The following CACHD1 variants were observed in gnomAD, a reference collection of about 807,000 sequenced individuals.
CACHD1 encodes the protein cache domain containing 1.
In CACHD1, 71 loss-of-function variants were observed where a neutral mutation model predicts 138.7. That is an observed-to-expected ratio of 0.51 (90% CI 0.42 to 0.62). The LOEUF (loss-of-function observed/expected upper bound fraction) is 0.62, where lower values mean the gene tolerates loss of function less well. CACHD1 is among the 20% of genes least tolerant of loss of function. CACHD1 has a pLI of 0.00. For synonymous variants in CACHD1, 578 were observed against 591.5 expected, an observed-to-expected ratio of 0.98 and a Z score of 0.33; for missense variants, 1,389 against 1,625.3, an observed-to-expected ratio of 0.85 and a Z score of 2.50.
At chr1:64,635,353 T>G (rs1648482341) in intron 7 of CACHD1, among the ~76,000 whole-genome samples, 1 of 151,472 alleles carries the variant, frequency 6.6e-6, no homozygotes, top group Non-Finnish European at 1.5e-5. Context: ...GCATGGCCCT[T>G]CAGATGTACA....
intron 1 of CACHD1, among the ~76,000 whole-genome samples, chr1:64,475,360 C>A (rs1023741862): frequency 2.0e-5 from 3 of 151,586 alleles, no homozygotes; most frequent in African/African-American, 7.3e-5. Context: ...GGGATGGAGT[C>A]TCACTCTGTT....
At chr1:64,560,487 A>G (rs114695894) in intron 2 of CACHD1, among the ~76,000 whole-genome samples, 2,132 of 151,930 alleles carry the variant, frequency 0.014, 27 homozygotes, top group Non-Finnish European at 0.019. Context: ...ATTTTGTTCA[A>G]TTTTCAAAAC....
At chr1:64,505,595 C>T (rs1457436302) in intron 1 of CACHD1, among the ~76,000 whole-genome samples, 6 of 119,688 alleles carry the variant, frequency 5.0e-5, no homozygotes, top group South Asian at 6.0e-4. Context: ...GCCCCTCCCC[C>T]TCCCTGGGCA....
chr1:64,512,386 T>A (rs1166608098), intron 1 of CACHD1, among the ~76,000 whole-genome samples: 2 of 86,894 alleles, frequency 2.3e-5, no homozygotes, highest in African/African-American at 1.1e-4. Context: ...ACAGTGAGAC[T>A]GTGTCTCAAA....
At chr1:64,511,095 A>G (rs1646417289) in intron 1 of CACHD1, among the ~76,000 whole-genome samples, 2 of 152,306 alleles carry the variant, frequency 1.3e-5, no homozygotes, top group South Asian at 4.1e-4. Flanking sequence ...TTTTTAGTGT[A>G]CCTAAGATCT....
At position 64,663,979 on chromosome 1, in the gene CACHD1, G is replaced by A. The variant is rs1276823595; in HGVS notation, c.2094+142G>A. On this transcript the variant is annotated intron_variant, in intron 14 of 26. Coordinates refer to ENST00000651257, the MANE Select transcript of CACHD1 (RefSeq NM_020925.4). ...GAGAGCTGCAGAGTGTGTGGCCCAGGGGAGGCTGGTCAGCAGTGACTCTTC... is the reference window on the plus strand; with the variant it reads ...GAGAGCTGCAGAGTGTGTGGCCCAGAGGAGGCTGGTCAGCAGTGACTCTTC... The A allele has an allele frequency of 6.3e-6, 7 of 1,105,062 alleles. No individual in the cohort carries two copies. The Admixed American group carries it at 1.3e-4, about 20-fold the overall frequency. The allele number at this position is 1,105,062 out of a possible 1,614,324, so 68.5% of individuals were successfully genotyped here. A position where few individuals can be genotyped will look rare whatever the true frequency, so the allele number is the denominator to read the frequency against.
At chr1:64,533,121 C>T (rs895128490) in intron 1 of CACHD1, among the ~76,000 whole-genome samples, 29 of 152,086 alleles carry the variant, frequency 1.9e-4, no homozygotes, top group African/African-American at 4.3e-4. Flanking sequence ...TTTGGGAGTC[C>T]GAGGCGGGTG....
In CACHD1 at chr1:64,505,420, C is replaced by T. The variant is rs1182483223; in HGVS notation, c.198+34478C>T. Among the ~76,000 whole-genome samples the T allele has an allele frequency of 7.2e-5, 11 of 152,252 alleles. No homozygotes were observed. In the East Asian group the frequency reaches 1.7e-3, roughly 24 times the overall value. Reference sequence around the variant, plus strand: ...GGAGGGGACATTCCTCCTGCTGCACCCTTGGAGGCTGCGGGCTTTCCTGGG... The same window carrying T: ...GGAGGGGACATTCCTCCTGCTGCACTCTTGGAGGCTGCGGGCTTTCCTGGG... On this transcript the variant is annotated intron_variant, in intron 1 of 26. Coordinates refer to ENST00000651257, the MANE Select transcript of CACHD1 (RefSeq NM_020925.4).
chr1:64,478,820 T>C (rs1291652141), intron 1 of CACHD1, among the ~76,000 whole-genome samples: 2 of 152,144 alleles, frequency 1.3e-5, no homozygotes, highest in Non-Finnish European at 2.9e-5. Flanking sequence ...CTGGAGGACA[T>C]GTGCCAAGGG....
chr1:64,667,668 T>A (rs141456994), intron 16 of CACHD1, among the ~76,000 whole-genome samples: 2,233 of 152,276 alleles, frequency 0.015, 28 homozygotes, highest in Non-Finnish European at 0.023. Flanking sequence ...AAAGACTGTT[T>A]CTTTTGAGGG....
intron 1 of CACHD1, among the ~76,000 whole-genome samples, chr1:64,473,403 TG>T (rs1157970182): frequency 1.3e-5 from 2 of 152,160 alleles, no homozygotes; most frequent in African/African-American, 4.8e-5. Context: ...TGTAAACCTT[TG>T]GGATTTGTTC....
chr1:64,481,794 TCAAAAAA>T (rs1646212971), intron 1 of CACHD1, among the ~76,000 whole-genome samples: 1 of 152,150 alleles, frequency 6.6e-6, no homozygotes. Context: ...AAATCTTAAT[TCAAAAAA>T]CAAATTGCTG....
At chr1:64,520,493 G>T (rs1436464320) in intron 1 of CACHD1, among the ~76,000 whole-genome samples, 1 of 152,130 alleles carries the variant, frequency 6.6e-6, no homozygotes, top group East Asian at 1.9e-4. Context: ...CCCCTAGAGT[G>T]CATTCCTGAA....
chr1:64,606,267 C>A (rs1647336427), intron 4 of CACHD1, among the ~76,000 whole-genome samples: 1 of 151,936 alleles, frequency 6.6e-6, no homozygotes, highest in Admixed American at 6.6e-5. Context: ...GGTTGGCTGT[C>A]GGGGGGAGGA....
chr1:64,548,781 C>T (rs1646737036), intron 1 of CACHD1, among the ~76,000 whole-genome samples: 2 of 152,204 alleles, frequency 1.3e-5, no homozygotes, highest in African/African-American at 4.8e-5. Context: ...TCAGGCTATT[C>T]CGTATTTTGC....
chr1:64,543,937 G>T (rs1054964463), intron 1 of CACHD1, among the ~76,000 whole-genome samples: 2 of 129,798 alleles, frequency 1.5e-5, no homozygotes, highest in African/African-American at 2.8e-5. Flanking sequence ...CACCGGCCTC[G>T]GCCTCCCAAA....
chr1:64,566,614 CTT>C (rs78161314), intron 2 of CACHD1, among the ~76,000 whole-genome samples: 19 of 145,652 alleles, frequency 1.3e-4, no homozygotes, highest in East Asian at 2.0e-4. Flanking sequence ...TAGTATGAGG[CTT>C]TTTTTTTTTA....
At chr1:64,560,236 T>G (rs553317937) in intron 2 of CACHD1, among the ~76,000 whole-genome samples, 2 of 152,290 alleles carry the variant, frequency 1.3e-5, no homozygotes, top group East Asian at 3.9e-4. Flanking sequence ...ATTTATGTTC[T>G]TTATTATTTC....
intron 1 of CACHD1, among the ~76,000 whole-genome samples, chr1:64,498,859 C>G (rs305564): frequency 0.1 from 15,252 of 152,260 alleles, 954 homozygotes; most frequent in African/African-American, 0.16. Flanking sequence ...AAAGAAAGTG[C>G]AATAATCGTG....
Sources: gnomAD v4.1 joint callset for allele counts (sites outside exome capture counted in the v4.1 genomes callset) on GRCh38, gnomAD v4.1.1 for gene constraint, MANE v1.5 for transcripts, NCBI Gene and HGNC (gene_info 2026-07-23, HGNC 2026-07-21) for gene names.